BFAR: variants seen among roughly 807,000 people sequenced by gnomAD.
BFAR encodes the protein RING finger protein 47.
A neutral mutation model predicts 54.4 loss-of-function variants in BFAR; 52 were observed. That is an observed-to-expected ratio of 0.96 (90% CI 0.77 to 1.21). BFAR has a LOEUF of 1.21. Ranked by LOEUF, BFAR falls within the 50% of genes most tolerant of loss-of-function variation. The pLI is 0.00. For missense variants in BFAR, 571 were observed against 534.0 expected, an observed-to-expected ratio of 1.07 and a Z score of -0.68; for synonymous variants, 215 against 204.3, an observed-to-expected ratio of 1.05 and a Z score of -0.45.
chr16:14,655,844 C>A (rs373641196), intron 5 of BFAR, among the ~76,000 whole-genome samples: 13 of 152,276 alleles, frequency 8.5e-5, no homozygotes, highest in African/African-American at 2.9e-4. Flanking sequence ...CAGTTTAAAC[C>A]GCATCTGCTC....
At chr16:14,656,179 G>A (rs908881162) in intron 5 of BFAR, among the ~76,000 whole-genome samples, 5 of 152,086 alleles carry the variant, frequency 3.3e-5, no homozygotes, top group Non-Finnish European at 7.4e-5. Flanking sequence ...GGCAGCCTAG[G>A]GGACAGAGCA....
intron 5 of BFAR, among the ~76,000 whole-genome samples, chr16:14,661,655 G>A (rs1020032820): frequency 1.3e-5 from 2 of 151,824 alleles, no homozygotes; most frequent in Admixed American, 6.6e-5. Flanking sequence ...CGTCCACCTC[G>A]GCCTTCCCAA....
intron 6 of BFAR, among the ~76,000 whole-genome samples, chr16:14,664,600 A>C (rs1203795802): frequency 2.0e-5 from 3 of 151,964 alleles, no homozygotes; most frequent in Non-Finnish European, 2.9e-5. Context: ...CCCGGGTTCA[A>C]GTGATTCTCT....
At chr16:14,651,746 T>G (rs1450905343) in intron 4 of BFAR, among the ~76,000 whole-genome samples, 1 of 151,860 alleles carries the variant, frequency 6.6e-6, no homozygotes, top group Non-Finnish European at 1.5e-5. Flanking sequence ...TCCCAAAATG[T>G]TGTGATTATA....
intron 3 of BFAR, 84 bp downstream of exon 3, chr16:14,648,676 A>C: frequency 1.0e-6 from 1 of 965,122 alleles, no homozygotes; most frequent in Non-Finnish European, 1.6e-6. Flanking sequence ...TTCTGTTGAA[A>C]TCACTGAAAT....
In BFAR at chr16:14,667,676, C is replaced by T. The variant is rs1490485639; in HGVS notation, c.1202C>T (p.Ser401Leu). ...ATGTGGAGCCATTTCTGGAAAGTAT[C>T]AACGCAGGGGCTTTTTGTGGCCATG... The part of the protein sequence containing the change: ...QRMWSHFWKV[S>L]TQGLFVAMFW... The change falls in exon 8 of 8, where the codon TCA becomes TTA. Residue 401 changes from serine to leucine, a missense_variant. By Grantham distance (145) the Ser-to-Leu change is moderately radical (BLOSUM62 -2). Coordinates refer to ENST00000261658, the MANE Select transcript of BFAR (RefSeq NM_016561.3). 6.2e-7 allele frequency: 1 copy of T among 1,614,192 alleles called. No homozygotes were observed. The highest frequency in any genetic ancestry group is 1.7e-5 in the Admixed American group (1 of 60,010).
intron 6 of BFAR, among the ~76,000 whole-genome samples, chr16:14,662,839 G>A (rs1357540554): frequency 1.3e-5 from 2 of 152,092 alleles, no homozygotes; most frequent in East Asian, 3.9e-4. Flanking sequence ...GTCCGGGAGC[G>A]TCGGCAAGAC....
chr16:14,663,215 C>T (rs1960341477), intron 6 of BFAR, among the ~76,000 whole-genome samples: 1 of 152,180 alleles, frequency 6.6e-6, no homozygotes, highest in Non-Finnish European at 1.5e-5. Context: ...GGGGTGGTCT[C>T]CTCCCTTACT....
At chr16:14,656,416 CGAGGCTGAGGCT>C in intron 5 of BFAR, among the ~76,000 whole-genome samples, 1 of 151,352 alleles carries the variant, frequency 6.6e-6, no homozygotes, top group South Asian at 2.1e-4. Flanking sequence ...CAGCCATTTG[CGAGGCTGAGGCT>C]GCGCTAAACC....
At position 14,655,148 on chromosome 16, in the gene BFAR, A is replaced by T; in HGVS notation, c.721A>T (p.Met241Leu). 1.9e-6 allele frequency: 3 copies of T among 1,612,154 alleles called. No individual in the cohort carries two copies. The highest frequency in any genetic ancestry group is 2.5e-6 in the Non-Finnish European group (3 of 1,179,212). ...CAGCAGCCACAGGAGAGCCATCCTC[A>T]TGGAGCTAGAACGTGTCAAAGCATT... is the stretch of plus-strand genomic sequence containing the variant. ...ENSSHRRAIL[M>L]ELERVKALGV... The change falls in exon 5 of 8, where the codon ATG (methionine) becomes TTG (leucine). Residue 241 changes from methionine (M) to leucine (L), a missense_variant. Transcript: ENST00000261658.
chr16:14,649,219 G>A (rs1423896860), intron 3 of BFAR, among the ~76,000 whole-genome samples: 1 of 151,956 alleles, frequency 6.6e-6, no homozygotes, highest in East Asian at 1.9e-4. Flanking sequence ...GGGATTACAG[G>A]CATGCGCCAC....
chr16:14,664,079 C>T (rs1960368152), intron 6 of BFAR, among the ~76,000 whole-genome samples: 1 of 152,048 alleles, frequency 6.6e-6, no homozygotes, highest in Admixed American at 6.6e-5. Flanking sequence ...CTCGTCTCTA[C>T]TAAAAATACA....
intron 1 of BFAR, among the ~76,000 whole-genome samples, chr16:14,639,550 C>T (rs932160830): frequency 9.2e-5 from 14 of 152,076 alleles, no homozygotes; most frequent in Admixed American, 6.6e-4. Flanking sequence ...TCAGGTGATC[C>T]GCCCACCTCC....
chr16:14,637,294 T>C (rs1325674525), intron 1 of BFAR, among the ~76,000 whole-genome samples: 4 of 152,178 alleles, frequency 2.6e-5, no homozygotes, highest in Non-Finnish European at 4.4e-5. Context: ...TTTGAACTAA[T>C]AACCGTTATT....
Position 14,667,748 on chromosome 16 carries a change from G to C in BFAR, c.1274G>C (p.Trp425Ser), listed in dbSNP as rs766322230. 6.2e-7 allele frequency: 1 copy of C among 1,614,048 alleles called. No individual in the cohort carries two copies. Among genetic ancestry groups the C allele is most frequent in the South Asian group, 1.1e-5 (1 of 91,076 alleles). Reference sequence around the variant, plus strand: ...TTTGTTTGCAACTGTTTGTTTTACTGGGCCCTGTACTTTAACCCAATTATT... The same window carrying C: ...TTTGTTTGCAACTGTTTGTTTTACTCGGCCCTGTACTTTAACCCAATTATT... ...PQFVCNCLFY[W>S]ALYFNPIINI... Residue 425 changes from tryptophan (W) to serine (S), a missense_variant, in exon 8 of 8, where the codon TGG (tryptophan) becomes TCG (serine). Trp to Ser is a radical substitution (Grantham distance 177). Transcript: ENST00000261658.
Position 14,661,985 on chromosome 16 carries a change from G to T in BFAR, c.877G>T (p.Asp293Tyr). The part of the protein sequence containing the change: ...LLYLYLFDYT[D>Y]TFLPFIHTIC... Reference sequence around the variant, plus strand: ...CTACCTGTACCTGTTTGACTACACCGACACCTTCCTACCTTTCATCCACAC... The same window carrying T: ...CTACCTGTACCTGTTTGACTACACCTACACCTTCCTACCTTTCATCCACAC... The change falls in exon 6 of 8, where the codon GAC becomes TAC. Residue 293 changes from aspartate (D) to tyrosine (Y), a missense_variant. Transcript: ENST00000261658. 1 of 1,614,086 alleles carries T rather than the reference G, an allele frequency of 6.2e-7. No individual in the cohort carries two copies. The highest frequency in any genetic ancestry group is 8.5e-7 in the Non-Finnish European group (1 of 1,180,014).
At chr16:14,660,437 C>T (rs150082780) in intron 5 of BFAR, among the ~76,000 whole-genome samples, 5,509 of 151,918 alleles carry the variant, frequency 0.036, 142 homozygotes, top group Non-Finnish European at 0.052. Context: ...CAGGCACATG[C>T]CACCAAGCCT....
rs747092271 is a variant in BFAR, at chr16:14,661,697, C to T, written c.784-195C>T. 7.9e-5 allele frequency among the ~76,000 whole-genome samples: 12 copies of T among 152,316 alleles called. 1 individual carries two copies. The highest frequency in any genetic ancestry group is 6.8e-3 in the Middle Eastern group (2 of 294). On this transcript the variant is annotated intron_variant, in intron 5 of 7. Transcript: ENST00000261658. ...GGATTTACAGGCGTGAGCCACCATG[C>T]TCCGCCAAGATCGAATCTTTATACA...
intron 1 of BFAR, among the ~76,000 whole-genome samples, chr16:14,634,303 C>G (rs892199037): frequency 1.3e-5 from 2 of 152,224 alleles, no homozygotes; most frequent in Non-Finnish European, 2.9e-5. Flanking sequence ...AACATCCAGC[C>G]TGGGTGTATC....
Sources: gnomAD v4.1 joint callset for allele counts (sites outside exome capture counted in the v4.1 genomes callset) on GRCh38, gnomAD v4.1.1 for gene constraint, MANE v1.5 for transcripts, NCBI Gene and HGNC (gene_info 2026-07-23, HGNC 2026-07-21) for gene names.